CAMTA1: variants seen among roughly 807,000 people sequenced by gnomAD.
CAMTA1 encodes the protein calmodulin-binding transcription activator 1.
A neutral mutation model predicts 170.9 loss-of-function variants in CAMTA1; 27 were observed. The observed-to-expected ratio is 0.16, with a 90% CI of 0.12 to 0.22. The LOEUF (loss-of-function observed/expected upper bound fraction) is 0.22. Among genes scored for constraint, CAMTA1 ranks in the 10% least tolerant of loss-of-function variants. The pLI is 1.00. For missense variants in CAMTA1, 1,619 were observed against 2,217.2 expected, an observed-to-expected ratio of 0.73 and a Z score of 5.42; for synonymous variants, 833 against 891.5, an observed-to-expected ratio of 0.93 and a Z score of 1.17.
At chr1:7,152,785 G>A (rs1483138822) in intron 4 of CAMTA1, among the ~76,000 whole-genome samples, 2 of 152,230 alleles carry the variant, frequency 1.3e-5, no homozygotes, top group African/African-American at 4.8e-5. Flanking sequence ...GCCATGTCGT[G>A]TTTCATTTGC....
At chr1:6,865,851 G>T (rs1666408936) in intron 3 of CAMTA1, among the ~76,000 whole-genome samples, 1 of 152,186 alleles carries the variant, frequency 6.6e-6, no homozygotes, top group Non-Finnish European at 1.5e-5. Flanking sequence ...CCAGGTTCAA[G>T]GACGGCGTGA....
intron 5 of CAMTA1, among the ~76,000 whole-genome samples, chr1:7,320,295 C>G (rs949033146): frequency 2.0e-5 from 3 of 152,166 alleles, no homozygotes; most frequent in African/African-American, 2.4e-5. Context: ...TCCAGCTTTT[C>G]TCAGAGTTTT....
chr1:7,320,649 G>GT (rs55683398), intron 5 of CAMTA1, among the ~76,000 whole-genome samples: 6,197 of 79,956 alleles, frequency 0.078, 436 homozygotes, highest in Non-Finnish European at 0.11. Flanking sequence ...TGCTGTGTGT[G>GT]TTTTTTTTTT....
rs750050967 is a variant in CAMTA1, at chr1:6,887,837, A to C, written c.234+62627A>C. 1 of 1,462,696 alleles carries C rather than the reference A, an allele frequency of 6.8e-7. No individual in the cohort carries two copies. Among genetic ancestry groups the C allele is most frequent in the Non-Finnish European group, 9.0e-7 (1 of 1,110,386 alleles). The allele number at this position is 1,462,696 out of a possible 1,614,324, so 90.6% of individuals were successfully genotyped here. Reference sequence around the variant, plus strand: ...GTGAATTAACTGTTCTCAAAACCCCAAATTAATTTGAACCGAATGTTACTA... The same window carrying C: ...GTGAATTAACTGTTCTCAAAACCCCCAATTAATTTGAACCGAATGTTACTA... On this transcript the variant is annotated intron_variant, in intron 3 of 22. Coordinates refer to ENST00000303635, the MANE Select transcript of CAMTA1 (RefSeq NM_015215.4). The surrounding 1 kb of genome is among the most constrained non-coding windows in gnomAD (Gnocchi z 4.1).
chr1:7,521,460 T>G (rs2149976554), intron 6 of CAMTA1, among the ~76,000 whole-genome samples: 1 of 149,820 alleles, frequency 6.7e-6, no homozygotes, highest in East Asian at 2.0e-4. Context: ...TTACTTGCAT[T>G]TGTGTGTGTG....
At chr1:7,699,387 A>T (rs948110505) in intron 11 of CAMTA1, among the ~76,000 whole-genome samples, 2 of 152,194 alleles carry the variant, frequency 1.3e-5, no homozygotes, top group Admixed American at 1.3e-4. Context: ...AATACAATGT[A>T]TGGACTTGTG....
At chr1:6,998,029 G>A (rs1697594441) in intron 3 of CAMTA1, among the ~76,000 whole-genome samples, 1 of 151,744 alleles carries the variant, frequency 6.6e-6, no homozygotes, top group South Asian at 2.1e-4. Context: ...TAAGCTCCCT[G>A]TTGTGATCTT....
chr1:7,440,138 G>A (rs1247408234), intron 5 of CAMTA1, among the ~76,000 whole-genome samples: 1 of 152,262 alleles, frequency 6.6e-6, no homozygotes, highest in Non-Finnish European at 1.5e-5. Flanking sequence ...TAGGCGAGAG[G>A]GCAGGCTAGG....
At chr1:7,524,725 C>T (rs1467807829) in intron 6 of CAMTA1, among the ~76,000 whole-genome samples, 1 of 152,150 alleles carries the variant, frequency 6.6e-6, no homozygotes, top group Non-Finnish European at 1.5e-5. Context: ...TTGGGACCCA[C>T]CAGTTTGTAC....
chr1:7,026,045 G>A (rs757430253), intron 3 of CAMTA1, among the ~76,000 whole-genome samples: 19 of 151,904 alleles, frequency 1.3e-4, no homozygotes, highest in Admixed American at 2.0e-4. Context: ...GCTTGAGCCC[G>A]GAAGATGGAG....
At chr1:6,919,912 C>T (rs1043253055) in intron 3 of CAMTA1, among the ~76,000 whole-genome samples, 5 of 151,952 alleles carry the variant, frequency 3.3e-5, no homozygotes, top group African/African-American at 7.3e-5. Flanking sequence ...CCCCATAACA[C>T]GTGGGAATTA....
Position 7,486,577 on chromosome 1 carries a change from T to C in CAMTA1, c.510+18676T>C, listed in dbSNP as rs529792680. Among the ~76,000 whole-genome samples, 7 of 152,336 alleles carry C rather than the reference T, an allele frequency of 4.6e-5. No individual in the cohort carries two copies. The South Asian group carries it at 1.5e-3, about 32-fold the overall frequency. ...TTCCAAGGCTGACGGGGGCCTGCTT[T>C]AGGCCTCTGAGACCTGACTTCCAGG... On this transcript the variant is annotated intron_variant, in intron 6 of 22. Coordinates refer to ENST00000303635, the MANE Select transcript of CAMTA1 (RefSeq NM_015215.4).
intron 3 of CAMTA1, among the ~76,000 whole-genome samples, chr1:6,853,731 C>T (rs772744837): frequency 6.6e-6 from 1 of 152,090 alleles, no homozygotes; most frequent in Non-Finnish European, 1.5e-5. Context: ...GTAGAAAAGC[C>T]ATATTACTCA....
intron 4 of CAMTA1, among the ~76,000 whole-genome samples, chr1:7,202,023 A>C (rs1456780665): frequency 6.6e-6 from 1 of 152,162 alleles, no homozygotes; most frequent in East Asian, 1.9e-4. Context: ...TAACTCTTTC[A>C]TTTAGCTCTT....
intron 5 of CAMTA1, among the ~76,000 whole-genome samples, chr1:7,294,786 A>G (rs1673674606): frequency 6.6e-6 from 1 of 152,214 alleles, no homozygotes; most frequent in African/African-American, 2.4e-5. Flanking sequence ...GCAGGTGAGG[A>G]CCAGCCCAGA....
At chr1:6,854,437 T>C (rs1661526712) in intron 3 of CAMTA1, among the ~76,000 whole-genome samples, 1 of 152,220 alleles carries the variant, frequency 6.6e-6, no homozygotes, top group African/African-American at 2.4e-5. Context: ...TTGTCATCTT[T>C]GCACAATGAT....
intron 5 of CAMTA1, among the ~76,000 whole-genome samples, chr1:7,349,571 A>C (rs1426280719): frequency 6.6e-6 from 1 of 152,202 alleles, no homozygotes; most frequent in Admixed American, 6.5e-5. Context: ...GGAGAAGCGA[A>C]GTCTGAGATC....
intron 6 of CAMTA1, among the ~76,000 whole-genome samples, chr1:7,628,431 G>C (rs1337127700): frequency 6.6e-6 from 1 of 152,242 alleles, no homozygotes; most frequent in African/African-American, 2.4e-5. Context: ...GATTGCTAAA[G>C]AAAACTTGGA....
chr1:7,594,283 C>A (rs1200439588), intron 6 of CAMTA1, among the ~76,000 whole-genome samples: 1 of 150,098 alleles, frequency 6.7e-6, no homozygotes, highest in Non-Finnish European at 1.5e-5. Context: ...ATTTGAGCTG[C>A]GGCACAGAAG....
Sources: allele counts gnomAD v4.1 joint callset (sites outside exome capture counted in the v4.1 genomes callset), GRCh38; gene constraint gnomAD v4.1.1; non-coding constraint Gnocchi (gnomAD v3.1); transcripts MANE v1.5; gene names NCBI Gene and HGNC (gene_info 2026-07-23, HGNC 2026-07-21).